Variants in SBF1 observed in about 807,000 individuals in gnomAD.
SBF1 encodes SET binding factor 1.
In SBF1, 65 loss-of-function variants were observed where a neutral mutation model predicts 215.8. The ratio of observed to expected loss-of-function variants is 0.30; its 90% CI spans 0.25 to 0.37. The LOEUF is 0.37. SBF1 is among the 10% of genes least tolerant of loss of function. The probability of loss-of-function intolerance (pLI) is 1.00; values close to 1 mark genes in which losing one functional copy is unlikely to be tolerated. For missense variants in SBF1, 2,634 were observed against 2,667.8 expected, an observed-to-expected ratio of 0.99 and a Z score of 0.28; for synonymous variants, 1,410 against 1,122.8, an observed-to-expected ratio of 1.26 and a Z score of -5.11.
At chr22:50,457,170 T>C in intron 28 of SBF1, 59 bp from the exon 29 acceptor site, 1 of 1,360,910 alleles carries the variant, frequency 7.3e-7, no homozygotes, top group Admixed American at 3.7e-5. Flanking sequence ...GTGCCCAGCT[T>C]GGGGGTGCCT....
At chr22:50,450,326 G>T (rs1296692432) in intron 36 of SBF1, among the ~76,000 whole-genome samples, 1 of 152,126 alleles carries the variant, frequency 6.6e-6, no homozygotes, top group Non-Finnish European at 1.5e-5. Context: ...TTCAAGACCA[G>T]CCTGGTAAAC....
Position 50,463,263 on chromosome 22 carries a change from A to G in SBF1, c.1899+20T>C, listed in dbSNP as rs1188957621. 2 of 1,612,684 alleles carry G rather than the reference A, an allele frequency of 1.2e-6. No homozygotes were observed. The highest frequency in any genetic ancestry group is 2.2e-5 in the South Asian group (2 of 90,846). On this transcript the variant is annotated intron_variant, in intron 16 of 40. Coordinates refer to ENST00000380817, the MANE Select transcript of SBF1 (RefSeq NM_002972.4). ...CTCATGCGCCATGAGCCATGTCACT[A>G]GCAGGATAAGAGGCCTCACCTGCAG...
rs1331586650 is a variant in SBF1, at chr22:50,456,565, C to G, written c.4013G>C (p.Gly1338Ala). 1 of 1,568,012 alleles carries G rather than the reference C, an allele frequency of 6.4e-7. No homozygotes were observed. Among genetic ancestry groups the G allele is most frequent in the African/African-American group, 1.4e-5 (1 of 73,488 alleles). Residue 1338 changes from glycine (G) to alanine (A), a missense_variant, in exon 30 of 41, where the codon GGC becomes GCC. Gly to Ala is a moderately conservative substitution (Grantham distance 60, BLOSUM62 0). Coordinates refer to ENST00000380817, the MANE Select transcript of SBF1 (RefSeq NM_002972.4). ...ACGCAGGAAGCCCGGGTCGGGAGGG[C>G]CCCCGTTGGCCTGGGGTGGGGCCAG... Reference protein sequence around the residue: ...DALAPPQANGGPPDPGFLRPQ... With the variant: ...DALAPPQANGAPPDPGFLRPQ...
Position 50,467,443 on chromosome 22 carries a change from G to A in SBF1, c.444C>T (p.Ser148=), listed in dbSNP as rs368090599. ...CGTGGATGGCATAGATGAGGCCAAG[G>A]CTGTTCTGCAATGACCAGAGCGGGG... ...RLDHTEVFRN[S]LGLIYAIHVE... The change falls in exon 5 of 41, where the codon AGC becomes AGT. Residue 148 remains serine (S), a synonymous_variant. Transcript: ENST00000380817. The A allele has an allele frequency of 4.2e-5, 67 of 1,614,082 alleles. No homozygotes were observed. The highest frequency in any genetic ancestry group is 5.5e-5 in the Non-Finnish European group (65 of 1,180,038).
At chr22:50,447,286 G>A (rs1350818384) in intron 40 of SBF1, 36 bp downstream of exon 40, 2 of 1,613,274 alleles carry the variant, frequency 1.2e-6, no homozygotes, top group South Asian at 2.2e-5. Context: ...ACACCGCAGA[G>A]CCCCTCCCCT....
chr22:50,468,267 C>A, intron 2 of SBF1, 109 bp downstream of exon 2: 1 of 1,076,616 alleles, frequency 9.3e-7, no homozygotes, highest in South Asian at 1.4e-5. Flanking sequence ...GTCCCTAGCC[C>A]AGCGGGGGGC....
chr22:50,453,223 G>A (rs1310326642), intron 36 of SBF1, among the ~76,000 whole-genome samples: 3 of 152,176 alleles, frequency 2.0e-5, no homozygotes, highest in Admixed American at 2.0e-4. Context: ...AGAGCAAGCT[G>A]ACACTGGTCA....
At chr22:50,455,791 C>A (rs1303673545) in intron 31 of SBF1, 1 of 604,626 alleles carries the variant, frequency 1.7e-6, no homozygotes. Context: ...TCACAGCCCA[C>A]CCCCTTCCAA....
chr22:50,466,224 G>A lies in SBF1; in HGVS notation c.823C>T (p.Leu275=), dbSNP rs762184895. Residue 275 remains leucine (L), a synonymous_variant, in exon 8 of 41, where the codon CTG becomes TTG. Transcript: ENST00000380817. ...TYVPILPAQL[L]EVLSTPTPFI... is the part of the protein sequence containing the mutation. ...GGCGTGGGTGTGCTGAGGACCTCCAGCAGCTGAGCCGGCAGGATGGGCACA... is the reference window on the plus strand; with the variant it reads ...GGCGTGGGTGTGCTGAGGACCTCCAACAGCTGAGCCGGCAGGATGGGCACA... 5.6e-6 allele frequency: 9 copies of A among 1,613,490 alleles called. 1 individual carries two copies. Among genetic ancestry groups the A allele is most frequent in the Middle Eastern group, 3.3e-4 (2 of 6,062 alleles).
intron 16 of SBF1, 64 bp downstream of exon 16, chr22:50,463,219 G>T: frequency 6.3e-7 from 1 of 1,591,356 alleles, no homozygotes; most frequent in South Asian, 1.1e-5. Flanking sequence ...ACAGACCAGG[G>T]TCTGCCCGCC....
Position 50,462,211 on chromosome 22 carries a change from G to A in SBF1, c.2390C>T (p.Thr797Ile). 6.2e-7 allele frequency: 1 copy of A among 1,607,124 alleles called. No individual in the cohort carries two copies. The highest frequency in any genetic ancestry group is 2.2e-5 in the East Asian group (1 of 44,880). Reference sequence around the variant, plus strand: ...CCCCCAGTCCCTGCCTCACCTGTTGGTGACCAGGCTGTTGCTGGCGCTCTC... The same window carrying A: ...CCCCCAGTCCCTGCCTCACCTGTTGATGACCAGGCTGTTGCTGGCGCTCTC... ...DLESASNSLV[T>I]NSMAGSVAES... Residue 797 changes from threonine to isoleucine, a missense_variant, in exon 19 of 41, where the codon ACC becomes ATC. Physicochemically the swap from Thr to Ile is moderately conservative, Grantham distance 89. Transcript: ENST00000380817.
rs2067666833 is a variant in SBF1 at position 50,464,604 on chromosome 22, G to A, written c.1566C>T (p.Ala522=). The A allele has an allele frequency of 8.7e-6, 14 of 1,611,656 alleles. No individual in the cohort carries two copies. The highest frequency in any genetic ancestry group is 1.3e-5 in the African/African-American group (1 of 74,904). Residue 522 remains alanine (A), a synonymous_variant, in exon 14 of 41, where the codon GCC becomes GCT. Coordinates refer to ENST00000380817, the MANE Select transcript of SBF1 (RefSeq NM_002972.4). The stretch of plus-strand genomic sequence containing the variant: ...CAGCTGGGGGTGCACCCTGCATCTT[G>A]GCTGCAGCCTGGTCCACGATCCACT... ...TVQWIVDQAA[A]KMQGAPPAVK... is the part of the protein sequence containing the mutation.
rs533356802 is a variant in SBF1 at position 50,459,122 on chromosome 22, C to G, written c.3826+133G>C. The G allele has an allele frequency of 3.4e-5, 44 of 1,313,058 alleles. No homozygotes were observed. The South Asian group carries it at 6.0e-4, about 18-fold the overall frequency. 81.3% of individuals were successfully genotyped at this position (1,313,058 alleles called of 1,614,324 possible). A position where few individuals can be genotyped will look rare whatever the true frequency, so the allele number is the denominator to read the frequency against. On this transcript the variant is annotated intron_variant, in intron 28 of 40. Transcript: ENST00000380817. ...TGCCCCACGGCACCCGGAGGGCATG[C>G]TCCTCATCCCACACCCAAACATCCA...
intron 5 of SBF1, chr22:50,467,034 TA>T (rs1322365858): frequency 1.7e-6 from 1 of 575,452 alleles, no homozygotes; most frequent in Non-Finnish European, 3.1e-6. Context: ...AAGACACGGT[TA>T]GACACTCCAA....
At chr22:50,462,532 C>T (rs1436045241) in intron 18 of SBF1, 27 bp downstream of exon 18, 2 of 1,610,076 alleles carry the variant, frequency 1.2e-6, no homozygotes, top group Admixed American at 1.7e-5. Flanking sequence ...TAGCCCCCAG[C>T]CCCCAGCCCA....
rs769707836 is a variant in SBF1 at position 50,461,542 on chromosome 22, C to T, written c.2820G>A (p.Gly940=). Residue 940 remains glycine (G), a synonymous_variant, in exon 22 of 41, where the codon GGG becomes GGA. Transcript: ENST00000380817. The stretch of plus-strand genomic sequence containing the variant: ...GCTCACCCAGGGGGTCCGTGGGCAT[C>T]CCCGTGAAGATGACCCGGTACGTGG... ...FLTTYRVIFT[G]MPTDPLVGEQ... 66 of 1,603,100 alleles carry T rather than the reference C, an allele frequency of 4.1e-5. No individual in the cohort carries two copies. The highest frequency in any genetic ancestry group is 5.3e-5 in the Non-Finnish European group (62 of 1,172,714).
At chr22:50,452,895 C>A (rs931310162) in intron 36 of SBF1, among the ~76,000 whole-genome samples, 1 of 151,924 alleles carries the variant, frequency 6.6e-6, no homozygotes, top group African/African-American at 2.4e-5. Flanking sequence ...TTATAGCCCC[C>A]AGCAACCCCT....
chr22:50,473,555 G>A (rs1289667498), intron 1 of SBF1, among the ~76,000 whole-genome samples: 4 of 152,218 alleles, frequency 2.6e-5, no homozygotes, highest in Non-Finnish European at 2.9e-5. Context: ...AGAGGAGTGT[G>A]TGCTGAGTAA....
intron 10 of SBF1, 94 bp from the exon 11 acceptor site, chr22:50,465,422 C>G: frequency 9.5e-7 from 1 of 1,049,436 alleles, no homozygotes; most frequent in Admixed American, 2.2e-5. Flanking sequence ...CCACCCCAAG[C>G]TGCCCCGCTC....
Sources: allele counts gnomAD v4.1 joint callset (sites outside exome capture counted in the v4.1 genomes callset), GRCh38; gene constraint gnomAD v4.1.1; transcripts MANE v1.5; gene names NCBI Gene and HGNC (gene_info 2026-07-23, HGNC 2026-07-21).